EZR: variants seen among roughly 807,000 people sequenced by gnomAD.
EZR encodes the protein ezrin.
In EZR, 40 loss-of-function variants were observed where a neutral mutation model predicts 74.8. The ratio of observed to expected loss-of-function variants is 0.53; its 90% CI spans 0.42 to 0.70. The LOEUF (loss-of-function observed/expected upper bound fraction) is 0.70. Ranked by LOEUF, EZR falls within the 30% of genes least tolerant of loss-of-function variation. The pLI is 0.00. For missense variants in EZR, 678 were observed against 755.8 expected (o/e 0.90, Z 1.21); for synonymous variants, 341 against 283.3 (o/e 1.20, Z -2.05).
At chr6:158,803,660 T>C (rs1343943357) in intron 2 of EZR, among the ~76,000 whole-genome samples, 2 of 80,266 alleles carry the variant, frequency 2.5e-5, no homozygotes, top group East Asian at 2.7e-4. Flanking sequence ...TATACATATA[T>C]ATATATAAAA....
In EZR at chr6:158,769,389, C is replaced by T. The variant is rs2128564209; in HGVS notation, c.1281G>A (p.Lys427=). 4 of 1,608,532 alleles carry T rather than the reference C, an allele frequency of 2.5e-6. No individual in the cohort carries two copies. The highest frequency in any genetic ancestry group is 1.6e-4 in the Middle Eastern group (1 of 6,062). Reference sequence around the variant, plus strand: ...TCCGCGCCTCTTCCAGGAGGGCAATCTTGGCAGTGTATTCTGCAAGCTCCG... The same window carrying T: ...TCCGCGCCTCTTCCAGGAGGGCAATTTTGGCAGTGTATTCTGCAAGCTCCG... ...LAAELAEYTA[K]IALLEEARRR... The change falls in exon 12 of 14, where the codon AAG becomes AAA. Residue 427 remains lysine (K), a synonymous_variant. Transcript: ENST00000367075.
At chr6:158,787,444 C>T (rs1231405079) in intron 3 of EZR, among the ~76,000 whole-genome samples, 5 of 152,154 alleles carry the variant, frequency 3.3e-5, no homozygotes, top group African/African-American at 1.2e-4. Context: ...CAGGGTTCTA[C>T]CTTCAAATCT....
intron 5 of EZR, 73 bp downstream of exon 5, chr6:158,785,236 T>C (rs1791543388): frequency 1.3e-6 from 2 of 1,573,796 alleles, no homozygotes; most frequent in African/African-American, 2.7e-5. Flanking sequence ...AAACTGTGCT[T>C]CTAAGGCAAT....
rs1412256108 is a variant in EZR at position 158,776,463 on chromosome 6, T to C, written c.740A>G (p.Asn247Ser). The stretch of plus-strand genomic sequence containing the variant: ...AAACTTTTTGTCATTGAAAGAGATG[T>C]TCCTGATTTCACTCCAAGGAAAGCC... ...KIGFPWSEIR[N>S]ISFNDKKFVI... is the part of the protein sequence containing the mutation. Residue 247 changes from asparagine to serine, a missense_variant, in exon 8 of 14, where the codon AAC becomes AGC. Around this residue, in one of 3 missense-constraint regions of EZR, gnomAD observed 119 missense variants for 182.3 expected, o/e 0.65. Transcript: ENST00000367075. 1.9e-6 allele frequency: 3 copies of C among 1,613,396 alleles called. No individual in the cohort carries two copies. In the East Asian group the frequency reaches 6.7e-5, roughly 36 times the overall value.
intron 2 of EZR, among the ~76,000 whole-genome samples, chr6:158,806,068 G>C (rs554979071): frequency 6.6e-6 from 1 of 152,232 alleles, no homozygotes; most frequent in African/African-American, 2.4e-5. Flanking sequence ...CAAAGTAATA[G>C]TGGAAAAAAC....
intron 2 of EZR, among the ~76,000 whole-genome samples, chr6:158,804,763 CTTATT>C (rs1777296289): frequency 3.0e-5 from 4 of 132,106 alleles, no homozygotes; most frequent in Non-Finnish European, 7.0e-5. Flanking sequence ...TTCTTTTTTT[CTTATT>C]TTTTTTTATT....
chr6:158,783,502 CTG>C lies in EZR; in HGVS notation c.698+16_698+17del. 3.7e-6 allele frequency: 6 copies of C among 1,601,914 alleles called. No individual in the cohort carries two copies. Among genetic ancestry groups the C allele is most frequent in the Non-Finnish European group, 4.3e-6 (5 of 1,171,582 alleles). On this transcript the variant is annotated intron_variant, in intron 7 of 13. Coordinates refer to ENST00000367075, the MANE Select transcript of EZR (RefSeq NM_001111077.2). ...CCACCACCCTACCTACTGAAGATAACTGTGAACTTCAACTCACTTATCATCTT... is the reference window on the plus strand; with the variant it reads ...CCACCACCCTACCTACTGAAGATAACTGAACTTCAACTCACTTATCATCTT...
Position 158,818,112 on chromosome 6 carries a change from A to G in EZR, c.-19T>C, listed in dbSNP as rs773247841. The G allele has an allele frequency of 6.2e-7, 1 of 1,607,262 alleles. No homozygotes were observed. Among genetic ancestry groups the G allele is most frequent in the Non-Finnish European group, 8.5e-7 (1 of 1,175,440 alleles). ...TCGGCATTTTCGGTTTCTGGTGAGT[A>G]TCCTCGATCCCCGAAAACACGACTA... On this transcript the variant is annotated 5_prime_UTR_variant, in exon 2 of 14. Coordinates refer to ENST00000367075, the MANE Select transcript of EZR (RefSeq NM_001111077.2).
In EZR at chr6:158,767,017, A is replaced by G; in HGVS notation, c.1658T>C (p.Ile553Thr). 6 of 1,614,068 alleles carry G rather than the reference A, an allele frequency of 3.7e-6. No homozygotes were observed. The highest frequency in any genetic ancestry group is 5.1e-6 in the Non-Finnish European group (6 of 1,180,014). Residue 553 changes from isoleucine to threonine, a missense_variant, in exon 14 of 14, where the codon ATC (isoleucine) becomes ACC (threonine). This residue lies in a region of EZR where 342 missense variants were observed against 341.2 expected (regional missense o/e 1.00). Coordinates refer to ENST00000367075, the MANE Select transcript of EZR (RefSeq NM_001111077.2). The stretch of plus-strand genomic sequence containing the variant: ...GCCTTGCCTCATGTTCTCGTTGTGG[A>G]TGATGTCATTGTGGGTCCTCTTATT... ...DENKRTHNDIIHNENMRQGRD... is the reference protein window; with the variant it reads ...DENKRTHNDITHNENMRQGRD...
In EZR at chr6:158,776,445, T is replaced by C. The variant is rs202093720; in HGVS notation, c.758A>G (p.Lys253Arg). Residue 253 changes from lysine (K) to arginine (R), a missense_variant, in exon 8 of 14, where the codon AAA (lysine) becomes AGA (arginine). Coordinates refer to ENST00000367075, the MANE Select transcript of EZR (RefSeq NM_001111077.2). ...GTCGATGGGTTTAATGACAAACTTTTTGTCATTGAAAGAGATGTTCCTGAT... is the reference window on the plus strand; with the variant it reads ...GTCGATGGGTTTAATGACAAACTTTCTGTCATTGAAAGAGATGTTCCTGAT... ...SEIRNISFND[K>R]KFVIKPIDKK... The C allele has an allele frequency of 2.9e-5, 47 of 1,613,814 alleles. No individual in the cohort carries two copies. The highest frequency in any genetic ancestry group is 3.6e-5 in the Non-Finnish European group (43 of 1,179,946).
At chr6:158,783,327 G>A (rs1411474984) in intron 7 of EZR, among the ~76,000 whole-genome samples, 193 bp downstream of exon 7, 1 of 149,094 alleles carries the variant, frequency 6.7e-6, no homozygotes, top group South Asian at 2.2e-4. Context: ...CACCATGAGA[G>A]AGGATAACCC....
Position 158,770,813 on chromosome 6 carries a change from C to A in EZR, c.1041G>T (p.Leu347Phe), listed in dbSNP as rs1383101149. ...CCTCATAGTCCTGCAGCCGCAGCAT[C>A]AACTCCTCCTTCTCGCGCATCATCT... The part of the protein sequence containing the change: ...KEQMMREKEE[L>F]MLRLQDYEEK... The change falls in exon 10 of 14, where the codon TTG becomes TTT. Residue 347 changes from leucine to phenylalanine, a missense_variant. This residue lies in a region of EZR where 342 missense variants were observed against 341.2 expected (regional missense o/e 1.00). Coordinates refer to ENST00000367075, the MANE Select transcript of EZR (RefSeq NM_001111077.2). 1 of 1,614,100 alleles carries A rather than the reference C, an allele frequency of 6.2e-7. No homozygotes were observed. Among genetic ancestry groups the A allele is most frequent in the Non-Finnish European group, 8.5e-7 (1 of 1,180,042 alleles).
intron 10 of EZR, 93 bp from the exon 11 acceptor site, chr6:158,770,037 C>G (rs887541928): frequency 4.6e-6 from 7 of 1,525,568 alleles, no homozygotes; most frequent in Non-Finnish European, 6.2e-6. Context: ...CCACAGAGCC[C>G]TAGACCAAGT....
chr6:158,818,222 C>G, intron 1 of EZR, 56 bp from the exon 2 acceptor site: 1 of 990,130 alleles, frequency 1.0e-6, no homozygotes, highest in Non-Finnish European at 1.4e-6. Flanking sequence ...GTCCTCCTGC[C>G]GCGCCCGACA....
At chr6:158,769,491 A>G (rs937446372) in intron 11 of EZR, 73 bp from the exon 12 acceptor site, 2 of 1,463,254 alleles carry the variant, frequency 1.4e-6, no homozygotes, top group South Asian at 1.2e-5. Context: ...ATGAGTGTTC[A>G]TGTGTGTTGG....
At chr6:158,772,304 C>T (rs911908027) in intron 8 of EZR, among the ~76,000 whole-genome samples, 3 of 152,268 alleles carry the variant, frequency 2.0e-5, no homozygotes, top group East Asian at 1.9e-4. Flanking sequence ...CAGCCACGTG[C>T]GAGCTCCACA....
chr6:158,766,896 TTGGTCC>T lies in EZR; in HGVS notation c.*12_*17del, dbSNP rs768022562. On this transcript the variant is annotated 3_prime_UTR_variant, in exon 14 of 14. Coordinates refer to ENST00000367075, the MANE Select transcript of EZR (RefSeq NM_001111077.2). ...GCCCGCTATGAGCACCCCTCTGCCCTTGGTCCTGGCCTGGCTGTTACAGGGCCTCGA... is the reference window on the plus strand; with the variant it reads ...GCCCGCTATGAGCACCCCTCTGCCCTTGGCCTGGCTGTTACAGGGCCTCGA... 8 of 1,612,030 alleles carry T rather than the reference TTGGTCC, an allele frequency of 5.0e-6. No individual in the cohort carries two copies. In the East Asian group the frequency reaches 1.8e-4, roughly 36 times the overall value.
intron 2 of EZR, among the ~76,000 whole-genome samples, chr6:158,797,811 A>G (rs6915189): frequency 0.41 from 62,007 of 152,142 alleles, 13,292 homozygotes; most frequent in Non-Finnish European, 0.49. Flanking sequence ...GTCACTATGT[A>G]CTTTAAATAG....
intron 6 of EZR, among the ~76,000 whole-genome samples, chr6:158,784,404 AG>A (rs1281597018): frequency 6.6e-6 from 1 of 152,222 alleles, no homozygotes; most frequent in Non-Finnish European, 1.5e-5. Context: ...CTACAAAGGG[AG>A]GGTGTAAGCT....
Sources: gnomAD v4.1 joint callset for allele counts (sites outside exome capture counted in the v4.1 genomes callset) on GRCh38, gnomAD v4.1.1 for gene constraint, gnomAD v4.1.1 regional missense constraint, MANE v1.5 for transcripts, NCBI Gene and HGNC (gene_info 2026-07-23, HGNC 2026-07-21) for gene names.